HR: variants seen among roughly 807,000 people sequenced by gnomAD.
The protein encoded by HR is lysine-specific demethylase hairless.
In HR, 83 loss-of-function variants were observed where a neutral mutation model predicts 128.6. The ratio of observed to expected loss-of-function variants is 0.65; its 90% CI spans 0.54 to 0.77. The LOEUF is 0.77. Among genes scored for constraint, HR ranks in the 30% least tolerant of loss-of-function variants. HR has a pLI of 0.00. For missense variants in HR, 1,490 were observed against 1,574.6 expected, an observed-to-expected ratio of 0.95 and a Z score of 0.91; for synonymous variants, 681 against 658.2, an observed-to-expected ratio of 1.03 and a Z score of -0.53.
chr8:22,122,481 C>T lies in HR; in HGVS notation c.2121+12G>A, dbSNP rs373319917. On this transcript the variant is annotated intron_variant, in intron 8 of 18. Coordinates refer to ENST00000381418, the MANE Select transcript of HR (RefSeq NM_005144.5). The stretch of plus-strand genomic sequence containing the variant: ...GCACGATACCCAACCGGTGACATGC[C>T]CTGGGTCTTACCTGCTGGCCTGCAT... 2.5e-6 allele frequency: 4 copies of T among 1,589,264 alleles called. No homozygotes were observed. The highest frequency in any genetic ancestry group is 1.1e-5 in the South Asian group (1 of 88,318).
In HR at chr8:22,118,936, G is replaced by A. The variant is rs532925472; in HGVS notation, c.3213+14C>T. 105 of 1,606,986 alleles carry A rather than the reference G, an allele frequency of 6.5e-5. No individual in the cohort carries two copies. Among genetic ancestry groups the A allele is most frequent in the Non-Finnish European group, 7.8e-5 (92 of 1,176,576 alleles). On this transcript the variant is annotated intron_variant, in intron 16 of 18. Coordinates refer to ENST00000381418, the MANE Select transcript of HR (RefSeq NM_005144.5). ...GGGCGGGGGGAAGGGGAGGGCTCCC[G>A]GCTGCCTCCTCACCATCTGGAGAAA...
At position 22,117,009 on chromosome 8, in the gene HR, G is replaced by C. The variant is rs761728871; in HGVS notation, c.3244C>G (p.Pro1082Ala). 6.6e-7 allele frequency: 1 copy of C among 1,519,686 alleles called. No homozygotes were observed. The highest frequency in any genetic ancestry group is 8.8e-7 in the Non-Finnish European group (1 of 1,138,102). 94.1% of individuals were successfully genotyped at this position (1,519,686 alleles called of 1,614,324 possible). A position where few individuals can be genotyped will look rare whatever the true frequency, so the allele number is the denominator to read the frequency against. ...AGGTAGCAGCTGCCTGGGGCGCCAG[G>C]CTCCAGGGCGCCTGCCCCGGCCGGG... ...VCPAGAGALE[P>A]GAPGSCYLDA... The change falls in exon 17 of 19, where the codon CCT becomes GCT. Residue 1082 changes from proline to alanine, a missense_variant. Transcript: ENST00000381418.
At chr8:22,123,248 T>C (rs966157881) in intron 6 of HR, among the ~76,000 whole-genome samples, 2 of 152,116 alleles carry the variant, frequency 1.3e-5, no homozygotes, top group African/African-American at 4.8e-5. Context: ...CAGGATGAAA[T>C]CAGAAGACCT....
rs1456582826 is a variant in HR, at chr8:22,128,781, A to G, written c.390T>C (p.His130=). The G allele has an allele frequency of 3.7e-6, 6 of 1,610,972 alleles. No homozygotes were observed. Among genetic ancestry groups the G allele is most frequent in the Middle Eastern group, 1.7e-4 (1 of 6,058 alleles). Residue 130 remains histidine (H), a synonymous_variant, in exon 2 of 19, where the codon CAT becomes CAC. Transcript: ENST00000381418. ...GGAAGGCCACAGGGTCACTCTTGAG[A>G]TGGCCACCACTATGCTCAGGCATCA... ...GPLMPEHSGG[H]LKSDPVAFRP...
Position 22,120,382 on chromosome 8 carries a change from C to G in HR, c.2736G>C (p.Leu912=), listed in dbSNP as rs755592901. ...SPLGPPQPSS[L]GSTTFWEGFS... is the part of the protein sequence containing the mutation. ...AGCCCTCCCAGAATGTTGTGCTGCC[C>G]AGGCTGCTGGGCTGGGGAGGTCCGA... The change falls in exon 12 of 19, where the codon CTG becomes CTC. Residue 912 remains leucine (L), a synonymous_variant. Transcript: ENST00000381418. The G allele has an allele frequency of 6.2e-7, 1 of 1,613,962 alleles. No homozygotes were observed. The highest frequency in any genetic ancestry group is 2.2e-5 in the East Asian group (1 of 44,886).
In HR at chr8:22,116,986, G is replaced by C; in HGVS notation, c.3267C>G (p.Tyr1089Ter). The change falls in exon 17 of 19, where the codon TAC (tyrosine) becomes TAG (stop). Residue 1089 changes from tyrosine (Y) to a stop codon, truncating the protein, a stop_gained. Coordinates refer to ENST00000381418, the MANE Select transcript of HR (RefSeq NM_005144.5). LOFTEE classifies it high-confidence loss of function. This position sits in a 1 kb window ranked among gnomAD's most constrained non-coding sequence, Gnocchi z 4.2. ...ALEPGAPGSC[Y>*]LDAGLRRRLR... Reference sequence around the variant, plus strand: ...GGCGCCGCCGCAGCCCTGCATCCAGGTAGCAGCTGCCTGGGGCGCCAGGCT... The same window carrying C: ...GGCGCCGCCGCAGCCCTGCATCCAGCTAGCAGCTGCCTGGGGCGCCAGGCT... 6.5e-7 allele frequency: 1 copy of C among 1,531,662 alleles called. No homozygotes were observed. The allele number at this position is 1,531,662 out of a possible 1,614,324, so 94.9% of individuals were successfully genotyped here.
intron 5 of HR, among the ~76,000 whole-genome samples, chr8:22,124,923 T>C (rs896850858): frequency 2.6e-5 from 4 of 152,078 alleles, no homozygotes; most frequent in African/African-American, 9.7e-5. Flanking sequence ...ACCCAAAGAC[T>C]GACCAGCAGC....
In HR at chr8:22,125,386, G is replaced by C; in HGVS notation, c.1675C>G (p.Leu559Val). The part of the protein sequence containing the change: ...RLSTGLAKHL[L>V]SGLGDRLCRL... ...CACAGTCGGTCCCCCAAACCACTGA[G>C]CAGGTGCTTGGCGAGGCCTGTGCTG... The change falls in exon 5 of 19, where the codon CTC becomes GTC. Residue 559 changes from leucine to valine, a missense_variant. By Grantham distance (32) the Leu-to-Val change is conservative (BLOSUM62 1). This residue lies in a region of HR where 1,060 missense variants were observed against 1,060.9 expected (regional missense o/e 1.00). Transcript: ENST00000381418. 1 of 1,610,664 alleles carries C rather than the reference G, an allele frequency of 6.2e-7. No individual in the cohort carries two copies. Among genetic ancestry groups the C allele is most frequent in the Non-Finnish European group, 8.5e-7 (1 of 1,179,080 alleles).
chr8:22,119,967 G>T (rs1415162782), intron 13 of HR, 77 bp from the exon 14 acceptor site: 3 of 1,607,566 alleles, frequency 1.9e-6, no homozygotes, highest in Non-Finnish European at 8.5e-7. Context: ...CCACCACCGG[G>T]GTAACTCCCA....
At chr8:22,120,208 C>CAGCCCTGA in intron 12 of HR, 35 bp from the exon 13 acceptor site, 1 of 1,593,740 alleles carries the variant, frequency 6.3e-7, no homozygotes, top group Non-Finnish European at 8.5e-7. Flanking sequence ...TTGGCCTCCT[C>CAGCCCTGA]AGCCCTGAAG....
chr8:22,123,617 T>TGGGCCCCC, intron 6 of HR, 32 bp downstream of exon 6: 1 of 292,092 alleles, frequency 3.4e-6, no homozygotes, highest in Non-Finnish European at 6.2e-6. Flanking sequence ...GAGGGCTCCA[T>TGGGCCCCC]CCCGCCCTCC....
Position 22,116,521 on chromosome 8 carries a change from C to T in HR, c.3379-93G>A, listed in dbSNP as rs573065497. The stretch of plus-strand genomic sequence containing the variant: ...GAGGTTCGCTTCCTCTAATGACAAC[C>T]ACCCCCGACCCCTGGCTCTCAGAGA... On this transcript the variant is annotated intron_variant, in intron 17 of 18. Transcript: ENST00000381418. This position sits in a 1 kb window ranked among gnomAD's most constrained non-coding sequence, Gnocchi z 4.2. The T allele has an allele frequency of 1.2e-4, 163 of 1,375,554 alleles. 3 individuals carry two copies. In the African/African-American group the frequency reaches 1.8e-3, roughly 16 times the overall value. 85.2% of individuals were successfully genotyped at this position (1,375,554 alleles called of 1,614,324 possible).
Position 22,121,691 on chromosome 8 carries a change from C to G in HR, c.2125G>C (p.Glu709Gln). 4 of 1,613,956 alleles carry G rather than the reference C, an allele frequency of 2.5e-6. No homozygotes were observed. The highest frequency in any genetic ancestry group is 3.4e-6 in the Non-Finnish European group (4 of 1,179,954). The change falls in exon 9 of 19, where the codon GAA becomes CAA. Residue 709 changes from glutamate to glutamine, a missense_variant. Glu to Gln is a conservative substitution (Grantham distance 29, BLOSUM62 2). Around this residue, in one of 3 missense-constraint regions of HR, gnomAD observed 1,060 missense variants for 1,060.9 expected, o/e 1.00. Coordinates refer to ENST00000381418, the MANE Select transcript of HR (RefSeq NM_005144.5). ...WAPGDAGQQK[E>Q]STQKTPPTPQ... is the part of the protein sequence containing the mutation. ...GTTGGGGGCGTTTTCTGTGTTGATT[C>G]CTTCTGTTAAACCCATCCACCACCC... is the stretch of plus-strand genomic sequence containing the variant.
chr8:22,121,149 C>A lies in HR; in HGVS notation c.2283G>T (p.Leu761=). Residue 761 remains leucine (L), a synonymous_variant, in exon 10 of 19, where the codon CTG becomes CTT. Coordinates refer to ENST00000381418, the MANE Select transcript of HR (RefSeq NM_005144.5). ...GPLPCPSLCE[L]LASTAVKLCL... is the part of the protein sequence containing the mutation. ...AGAGTTTGACCGCGGTAGAAGCCAGCAGTTCGCAGAGAGAAGGACAAGGCA... is the reference window on the plus strand; with the variant it reads ...AGAGTTTGACCGCGGTAGAAGCCAGAAGTTCGCAGAGAGAAGGACAAGGCA... 6.2e-7 allele frequency: 1 copy of A among 1,613,966 alleles called. No individual in the cohort carries two copies. The highest frequency in any genetic ancestry group is 8.5e-7 in the Non-Finnish European group (1 of 1,180,032).
At position 22,125,415 on chromosome 8, in the gene HR, C is replaced by T. The variant is rs577447699; in HGVS notation, c.1646G>A (p.Arg549Gln). 1.6e-5 allele frequency: 26 copies of T among 1,612,738 alleles called. No homozygotes were observed. The highest frequency in any genetic ancestry group is 1.7e-4 in the Middle Eastern group (1 of 6,058). ...GTGCTTGGCGAGGCCTGTGCTGAGCCGGCTGTCAGGGCCGGACCCTGGGCC... is the reference window on the plus strand; with the variant it reads ...GTGCTTGGCGAGGCCTGTGCTGAGCTGGCTGTCAGGGCCGGACCCTGGGCC... ...EEGPGSGPDS[R>Q]LSTGLAKHLL... Residue 549 changes from arginine to glutamine, a missense_variant, in exon 5 of 19, where the codon CGG becomes CAG. Arg to Gln is a conservative substitution (Grantham distance 43, BLOSUM62 1). Coordinates refer to ENST00000381418, the MANE Select transcript of HR (RefSeq NM_005144.5).
chr8:22,129,206 G>T lies in HR; in HGVS notation c.-36C>A, dbSNP rs765370297. Reference sequence around the variant, plus strand: ...CCCTCATGGGGCTCTCCCAGAGGGGGGTCCCTGGAGCATAACCATCAAAGC... The same window carrying T: ...CCCTCATGGGGCTCTCCCAGAGGGGTGTCCCTGGAGCATAACCATCAAAGC... On this transcript the variant is annotated 5_prime_UTR_variant, in exon 2 of 19. Coordinates refer to ENST00000381418, the MANE Select transcript of HR (RefSeq NM_005144.5). 17 of 1,515,780 alleles carry T rather than the reference G, an allele frequency of 1.1e-5. No individual in the cohort carries two copies. Among genetic ancestry groups the T allele is most frequent in the Middle Eastern group, 1.8e-4 (1 of 5,600 alleles). The allele number at this position is 1,515,780 out of a possible 1,614,324, so 93.9% of individuals were successfully genotyped here. A position where few individuals can be genotyped will look rare whatever the true frequency, so the allele number is the denominator to read the frequency against.
intron 16 of HR, chr8:22,118,618 G>A (rs983377920): frequency 2.5e-6 from 1 of 398,254 alleles, no homozygotes; most frequent in South Asian, 2.6e-5. Flanking sequence ...GAAAGGAGCA[G>A]TGCCTGCCTC....
chr8:22,128,418 G>T, intron 2 of HR, 141 bp downstream of exon 2: 2 of 1,205,810 alleles, frequency 1.7e-6, no homozygotes, highest in South Asian at 1.3e-5. Context: ...TGACTGTGGG[G>T]CCTGGGACAG....
At chr8:22,119,689 C>A in intron 14 of HR, 71 bp downstream of exon 14, 1 of 1,531,110 alleles carries the variant, frequency 6.5e-7, no homozygotes, top group Non-Finnish European at 8.8e-7. Context: ...GGCACAGACG[C>A]TCGTGTGCCC....
Sources: allele counts gnomAD v4.1 joint callset (sites outside exome capture counted in the v4.1 genomes callset), GRCh38; gene constraint gnomAD v4.1.1; regional missense constraint gnomAD v4.1.1; non-coding constraint Gnocchi (gnomAD v3.1); transcripts MANE v1.5; gene names NCBI Gene and HGNC (gene_info 2026-07-23, HGNC 2026-07-21).